Variants in IL1RAPL1 observed in about 807,000 individuals in gnomAD.
IL1RAPL1 encodes the protein interleukin 1 receptor accessory protein like 1, also known as interleukin-1 receptor accessory protein-like 1.
Under a neutral mutation model 48.4 loss-of-function variants are expected in IL1RAPL1, and 3 were observed. The ratio of observed to expected loss-of-function variants is 0.06; its 90% CI spans 0.03 to 0.16. IL1RAPL1 has a LOEUF of 0.16. IL1RAPL1 is among the 10% of genes least tolerant of loss of function. The pLI is 1.00. For missense variants in IL1RAPL1, 349 were observed against 530.6 expected, an observed-to-expected ratio of 0.66 and a Z score of 3.36; for synonymous variants, 185 against 187.7, an observed-to-expected ratio of 0.99 and a Z score of 0.12.
At chrX:29,623,822 G>A in intron 5 of IL1RAPL1, among the ~76,000 whole-genome samples, 1 of 111,563 alleles carries the variant, frequency 9.0e-6, no homozygotes, top group East Asian at 2.8e-4. Flanking sequence ...CAGCTCCTGT[G>A]AACTGAAAAA....
At chrX:29,287,630 CATT>C (rs1385797174) in intron 3 of IL1RAPL1, among the ~76,000 whole-genome samples, 2 of 111,983 alleles carry the variant, frequency 1.8e-5, no homozygotes, top group Admixed American at 1.9e-4. Context: ...TGTGATAACT[CATT>C]ATGATTTTCA....
At chrX:28,924,905 C>A (rs1472927772) in intron 2 of IL1RAPL1, among the ~76,000 whole-genome samples, 1 of 112,146 alleles carries the variant, frequency 8.9e-6, no homozygotes, top group East Asian at 2.8e-4. Flanking sequence ...GTCATTCTCT[C>A]ATTTCTTTCA....
chrX:28,704,421 A>AACACACACAC (rs71703533), intron 1 of IL1RAPL1, among the ~76,000 whole-genome samples: 14 of 89,535 alleles, frequency 1.6e-4, no homozygotes, highest in African/African-American at 4.9e-4. Flanking sequence ...AAAACACACA[A>AACACACACAC]ACACACACAC....
At chrX:29,727,683 G>A (rs934547375) in intron 6 of IL1RAPL1, among the ~76,000 whole-genome samples, 2 of 111,074 alleles carry the variant, frequency 1.8e-5, no homozygotes, top group African/African-American at 3.3e-5. Flanking sequence ...TCCCTCATGC[G>A]CTCATCTGAA....
At chrX:29,314,289 T>G (rs1190392085) in intron 3 of IL1RAPL1, among the ~76,000 whole-genome samples, 1 of 111,807 alleles carries the variant, frequency 8.9e-6, no homozygotes, top group Non-Finnish European at 1.9e-5. Context: ...GAGATTTGAT[T>G]GAAATTGGGC....
At chrX:29,521,719 C>A (rs1346592513) in intron 5 of IL1RAPL1, among the ~76,000 whole-genome samples, 5 of 111,626 alleles carry the variant, frequency 4.5e-5, no homozygotes, top group Non-Finnish European at 9.4e-5. Flanking sequence ...GATGTCATCA[C>A]CAGTAATTCC....
intron 2 of IL1RAPL1, among the ~76,000 whole-genome samples, chrX:29,201,491 G>T (rs1250169306): frequency 9.0e-6 from 1 of 111,145 alleles, no homozygotes; most frequent in Admixed American, 9.6e-5. Context: ...ACAAGGATTT[G>T]TATATTTTTA....
intron 6 of IL1RAPL1, among the ~76,000 whole-genome samples, chrX:29,714,548 T>C (rs1166262025): frequency 1.8e-5 from 2 of 112,147 alleles, no homozygotes; most frequent in Admixed American, 9.5e-5. Flanking sequence ...CTCTAGCACA[T>C]TTTATATGAT....
chrX:29,846,256 T>C (rs1407221463), intron 6 of IL1RAPL1, among the ~76,000 whole-genome samples: 2 of 111,374 alleles, frequency 1.8e-5, no homozygotes, highest in Non-Finnish European at 3.8e-5. Flanking sequence ...ATGAGGATCC[T>C]ACACAAAATA....
At chrX:29,495,397 G>A (rs1569323832) in intron 5 of IL1RAPL1, among the ~76,000 whole-genome samples, 1 of 111,473 alleles carries the variant, frequency 9.0e-6, no homozygotes, top group East Asian at 2.8e-4. Flanking sequence ...CATAGTTTAG[G>A]GCAAAGAAAG....
At chrX:29,119,407 C>T (rs1365620183) in intron 2 of IL1RAPL1, among the ~76,000 whole-genome samples, 1 of 111,207 alleles carries the variant, frequency 9.0e-6, no homozygotes, top group Non-Finnish European at 1.9e-5. Flanking sequence ...TAAGTGGACT[C>T]CAGTTTCAGA....
At chrX:29,891,983 A>AACTT (rs1265716215) in intron 6 of IL1RAPL1, among the ~76,000 whole-genome samples, 5 of 112,194 alleles carry the variant, frequency 4.5e-5, no homozygotes, top group African/African-American at 1.6e-4. Flanking sequence ...CAAAATTATG[A>AACTT]ACTTATATAT....
intron 6 of IL1RAPL1, among the ~76,000 whole-genome samples, chrX:29,873,388 C>CA (rs59970287): frequency 1.4e-4 from 15 of 103,562 alleles, no homozygotes; most frequent in African/African-American, 5.7e-4. Context: ...GCCCCCCCCC[C>CA]AATTATATGT....
At chrX:29,152,449 C>A (rs1042127490) in intron 2 of IL1RAPL1, among the ~76,000 whole-genome samples, 14 of 111,572 alleles carry the variant, frequency 1.3e-4, no homozygotes, top group African/African-American at 4.6e-4. Flanking sequence ...TCAGTCTTAC[C>A]CTACTCCCCG....
chrX:28,593,521 G>A (rs1224350358), intron 1 of IL1RAPL1, among the ~76,000 whole-genome samples: 1 of 111,406 alleles, frequency 9.0e-6, no homozygotes, highest in African/African-American at 3.3e-5. Flanking sequence ...TAAATGAGCT[G>A]CTTTGTTCTT....
intron 2 of IL1RAPL1, among the ~76,000 whole-genome samples, chrX:28,898,500 G>T (rs5943574): frequency 9.0e-6 from 1 of 110,730 alleles, no homozygotes; most frequent in African/African-American, 3.3e-5. Flanking sequence ...CTTTTTTTTA[G>T]AGCAAGGTTT....
intron 5 of IL1RAPL1, among the ~76,000 whole-genome samples, chrX:29,407,349 T>C (rs891150778): frequency 2.7e-5 from 3 of 112,091 alleles, no homozygotes; most frequent in Non-Finnish European, 5.6e-5. Context: ...ATAGCTACAT[T>C]TTGCCTGGTT....
chrX:29,434,572 A>G (rs1381305342), intron 5 of IL1RAPL1, among the ~76,000 whole-genome samples: 2 of 110,904 alleles, frequency 1.8e-5, no homozygotes, highest in Non-Finnish European at 3.8e-5. Flanking sequence ...GAGATTTGTT[A>G]TTGATACATC....
intron 9 of IL1RAPL1, among the ~76,000 whole-genome samples, chrX:29,950,367 AG>A (rs1933289872): frequency 8.9e-6 from 1 of 111,860 alleles, no homozygotes; most frequent in Admixed American, 9.4e-5. Context: ...CATGGAGCCG[AG>A]GGGGCAAGGT....
Sources: allele counts gnomAD v4.1 joint callset (sites outside exome capture counted in the v4.1 genomes callset), GRCh38; gene constraint gnomAD v4.1.1; transcripts MANE v1.5; gene names NCBI Gene and HGNC (gene_info 2026-07-23, HGNC 2026-07-21).